The following SVIL variants were observed in gnomAD, a reference collection of about 807,000 sequenced individuals.
SVIL encodes the protein archvillin.
Under a neutral mutation model 240.4 loss-of-function variants are expected in SVIL, and 101 were observed. That is an observed-to-expected ratio of 0.42 (90% CI 0.36 to 0.50). The LOEUF (loss-of-function observed/expected upper bound fraction) is 0.50. Among genes scored for constraint, SVIL ranks in the 20% least tolerant of loss-of-function variants. SVIL has a pLI of 0.01. For synonymous variants in SVIL, 999 were observed against 1,100.0 expected, an observed-to-expected ratio of 0.91 and a Z score of 1.82; for missense variants, 2,512 against 2,818.7, an observed-to-expected ratio of 0.89 and a Z score of 2.46.
intron 3 of SVIL, among the ~76,000 whole-genome samples, chr10:29,561,471 GAAC>G (rs922225485): frequency 1.2e-4 from 18 of 152,210 alleles, no homozygotes; most frequent in African/African-American, 4.3e-4. Flanking sequence ...CTGCTATGTA[GAAC>G]TTTGCCTAAT....
chr10:29,457,617 A>C lies in SVIL; in HGVS notation c.*630T>G, dbSNP rs1325198176. 6.6e-6 allele frequency: 1 copy of C among 152,666 alleles called. No homozygotes were observed. 9.5% of individuals were successfully genotyped at this position (152,666 alleles called of 1,614,324 possible). A position where few individuals can be genotyped will look rare whatever the true frequency, so the allele number is the denominator to read the frequency against. ...GATTCGCATAGATTCTCCAGAGTCC[A>C]TGCCATTAAGTACAAATTCTTTGTT... On this transcript the variant is annotated 3_prime_UTR_variant, in exon 38 of 38. Transcript: ENST00000355867.
rs749237718 is a variant in SVIL at position 29,529,840 on chromosome 10, A to G, written c.2111T>C (p.Met704Thr). The G allele has an allele frequency of 1.9e-6, 3 of 1,608,950 alleles. No individual in the cohort carries two copies. The highest frequency in any genetic ancestry group is 1.7e-6 in the Non-Finnish European group (2 of 1,178,214). Reference sequence around the variant, plus strand: ...ATTTTGTTCATCAAAAGATTTTTCCATCTCCTAAGATTAGAAGTATTGTGG... The same window carrying G: ...ATTTTGTTCATCAAAAGATTTTTCCGTCTCCTAAGATTAGAAGTATTGTGG... ...VAAKRLLFRE[M>T]EKSFDEQNVP... The change falls in exon 12 of 38, where the codon ATG (methionine) becomes ACG (threonine). Residue 704 changes from methionine (M) to threonine (T), a missense_variant. Physicochemically the swap from Met to Thr is moderately conservative, Grantham distance 81. This residue lies in a region of SVIL where 1,443 missense variants were observed against 1,486.6 expected (regional missense o/e 0.97). Coordinates refer to ENST00000355867, the MANE Select transcript of SVIL (RefSeq NM_021738.3).
intron 34 of SVIL, 44 bp from the exon 35 acceptor site, chr10:29,463,679 CG>C: frequency 6.2e-7 from 1 of 1,602,496 alleles, no homozygotes; most frequent in Non-Finnish European, 8.5e-7. Context: ...AGCTCCTTCA[CG>C]GACACTTCTA....
chr10:29,545,065 C>T (rs1285965616), intron 6 of SVIL: 3 of 534,658 alleles, frequency 5.6e-6, no homozygotes, highest in Admixed American at 1.9e-5. Context: ...TGCTAGTGGA[C>T]ACGAGAGCGT....
intron 36 of SVIL, among the ~76,000 whole-genome samples, chr10:29,459,012 G>A (rs1341632599): frequency 7.5e-6 from 1 of 132,976 alleles, no homozygotes; most frequent in African/African-American, 2.7e-5. Flanking sequence ...TTTTTTTGTA[G>A]AGACTGGGTC....
chr10:29,586,589 C>T (rs1365006031), intron 1 of SVIL, among the ~76,000 whole-genome samples: 2 of 152,214 alleles, frequency 1.3e-5, no homozygotes, highest in Non-Finnish European at 2.9e-5. Context: ...CTACTATACA[C>T]ATGACCTCAC....
intron 1 of SVIL, among the ~76,000 whole-genome samples, chr10:29,692,787 C>A (rs1961616186): frequency 6.6e-6 from 1 of 151,970 alleles, no homozygotes; most frequent in Admixed American, 6.6e-5. Context: ...GCTGCTGTGC[C>A]CAGGCGGGAC....
intron 5 of SVIL, among the ~76,000 whole-genome samples, chr10:29,551,930 G>C (rs974373374): frequency 1.3e-5 from 2 of 152,070 alleles, no homozygotes; most frequent in African/African-American, 4.8e-5. Flanking sequence ...GGGTAACATA[G>C]TGAGACCCTG....
upstream of SVIL, among the ~76,000 whole-genome samples, chr10:29,637,246 A>ACC (rs1958340888): frequency 6.6e-6 from 1 of 152,236 alleles, no homozygotes; most frequent in African/African-American, 2.4e-5. Flanking sequence ...GCACTTTGGT[A>ACC]GGCCGAGGCG....
At chr10:29,504,818 C>T (rs945407373) in intron 17 of SVIL, among the ~76,000 whole-genome samples, 3 of 152,274 alleles carry the variant, frequency 2.0e-5, no homozygotes, top group South Asian at 2.1e-4. Context: ...CATACTCTTA[C>T]CGTATGATAC....
intron 1 of SVIL, among the ~76,000 whole-genome samples, chr10:29,574,373 C>T (rs1955591720): frequency 6.6e-6 from 1 of 152,076 alleles, no homozygotes; most frequent in South Asian, 2.1e-4. Flanking sequence ...CACCATGGTA[C>T]ATATGACATC....
At position 29,462,305 on chromosome 10, in the gene SVIL, C is replaced by G. The variant is rs1174760165; in HGVS notation, c.6374G>C (p.Arg2125Thr). The change falls in exon 36 of 38, where the codon AGA (arginine) becomes ACA (threonine). Residue 2125 changes from arginine to threonine, a missense_variant. Transcript: ENST00000355867. The part of the protein sequence containing the change: ...FTNMFPSWEH[R>T]EDIAEITEMD... ...CTCTGTGATCTCAGCGATGTCCTCT[C>G]TGTGCTCCCAGCTGGGAAACATATT... 2 of 1,614,102 alleles carry G rather than the reference C, an allele frequency of 1.2e-6. No individual in the cohort carries two copies. The highest frequency in any genetic ancestry group is 1.3e-5 in the African/African-American group (1 of 74,920).
At position 29,524,646 on chromosome 10, in the gene SVIL, C is replaced by A. The variant is rs200058288; in HGVS notation, c.2412G>T (p.Glu804Asp). 6 of 1,614,186 alleles carry A rather than the reference C, an allele frequency of 3.7e-6. No individual in the cohort carries two copies. Among genetic ancestry groups the A allele is most frequent in the Non-Finnish European group, 5.1e-6 (6 of 1,180,020 alleles). Reference sequence around the variant, plus strand: ...GAGTGGAGGAATCAGGTTCTCCTTGCTCAGCAAGCTCTTTGCCCTCATTTG... The same window carrying A: ...GAGTGGAGGAATCAGGTTCTCCTTGATCAGCAAGCTCTTTGCCCTCATTTG... ...DQTNEGKELA[E>D]QGEPDSSTLS... Residue 804 changes from glutamate (E) to aspartate (D), a missense_variant, in exon 14 of 38, where the codon GAG becomes GAT. Transcript: ENST00000355867.
chr10:29,526,853 G>T (rs1006554642), intron 13 of SVIL, 108 bp downstream of exon 13: 2 of 921,252 alleles, frequency 2.2e-6, no homozygotes, highest in Non-Finnish European at 3.1e-6. Flanking sequence ...ACAACTCACG[G>T]CATTGACTTG....
intron 1 of SVIL, among the ~76,000 whole-genome samples, chr10:29,584,291 G>A (rs1285844501): frequency 2.6e-5 from 4 of 152,224 alleles, no homozygotes; most frequent in African/African-American, 7.2e-5. Context: ...GGCACACCCT[G>A]AGAATGGCCC....
Position 29,579,509 on chromosome 10 carries a change from C to T in SVIL, c.-200-10197G>A, listed in dbSNP as rs1589311050. On this transcript the variant is annotated intron_variant, in intron 1 of 37. Transcript: ENST00000355867. The stretch of plus-strand genomic sequence containing the variant: ...GGGGACAATGATTCCTGCAGTCCAA[C>T]TATTGACAATGTCTCAGTATGAGTC... Among the ~76,000 whole-genome samples the T allele has an allele frequency of 2.6e-5, 4 of 152,174 alleles. No homozygotes were observed. The East Asian group carries it at 7.7e-4, about 29-fold the overall frequency.
Position 29,484,502 on chromosome 10 carries a change from T to C in SVIL, c.4955+154A>G, listed in dbSNP as rs903242141. Among the ~76,000 whole-genome samples, 1 of 152,230 alleles carries C rather than the reference T, an allele frequency of 6.6e-6. No individual in the cohort carries two copies. The highest frequency in any genetic ancestry group is 2.4e-5 in the African/African-American group (1 of 41,452). ...AATAGTTAGATAAAAGTTAAAGAAC[T>C]GTTCCTTTTGTGAATATTCACAGTC... On this transcript the variant is annotated intron_variant, in intron 27 of 37. Coordinates refer to ENST00000355867, the MANE Select transcript of SVIL (RefSeq NM_021738.3). The surrounding 1 kb of genome is among the most constrained non-coding windows in gnomAD (Gnocchi z 4.7).
At chr10:29,474,835 A>G (rs1013217390) in intron 29 of SVIL, among the ~76,000 whole-genome samples, 1 of 152,210 alleles carries the variant, frequency 6.6e-6, no homozygotes, top group Non-Finnish European at 1.5e-5. Context: ...TACAACTTTG[A>G]AGTTTTCAAG....
chr10:29,577,179 G>A (rs1955738300), intron 1 of SVIL, among the ~76,000 whole-genome samples: 1 of 152,000 alleles, frequency 6.6e-6, no homozygotes, highest in Non-Finnish European at 1.5e-5. Flanking sequence ...GCACCTGACT[G>A]CAAATGATTT....
Sources: gnomAD v4.1 joint callset for allele counts (sites outside exome capture counted in the v4.1 genomes callset) on GRCh38, gnomAD v4.1.1 for gene constraint, gnomAD v4.1.1 regional missense constraint, Gnocchi (gnomAD v3.1) non-coding constraint, MANE v1.5 for transcripts, NCBI Gene and HGNC (gene_info 2026-07-23, HGNC 2026-07-21) for gene names.